Variants in PLCB1 observed in about 807,000 individuals in gnomAD.
The protein encoded by PLCB1 is phospholipase C beta 1.
PLCB1 carries 46 observed loss-of-function variants against 161.8 expected under a neutral mutation model. That is an observed-to-expected ratio of 0.28 (90% CI 0.22 to 0.36). The LOEUF (loss-of-function observed/expected upper bound fraction) is 0.36, where lower values mean the gene tolerates loss of function less well. Ranked by LOEUF, PLCB1 falls within the 10% of genes least tolerant of loss-of-function variation. The pLI, the probability that PLCB1 is intolerant of heterozygous loss-of-function variation, is 1.00. For missense variants in PLCB1, 1,016 were observed against 1,472.5 expected, an observed-to-expected ratio of 0.69 and a Z score of 5.07; for synonymous variants, 517 against 503.7, an observed-to-expected ratio of 1.03 and a Z score of -0.35.
intron 2 of PLCB1, among the ~76,000 whole-genome samples, chr20:8,160,007 A>G (rs2051606497): frequency 6.6e-6 from 1 of 151,198 alleles, no homozygotes; most frequent in African/African-American, 2.4e-5. Context: ...AAAAAAAAAA[A>G]AGAAAAAAAG....
At chr20:8,304,513 CA>C (rs1324486716) in intron 2 of PLCB1, among the ~76,000 whole-genome samples, 36 of 151,620 alleles carry the variant, frequency 2.4e-4, no homozygotes, top group African/African-American at 8.5e-4. Context: ...CACAATGAAT[CA>C]AAAACCTTCT....
intron 3 of PLCB1, among the ~76,000 whole-genome samples, chr20:8,577,215 G>A (rs1449259112): frequency 6.6e-6 from 1 of 151,442 alleles, no homozygotes; most frequent in African/African-American, 2.4e-5. Context: ...GGATCACGAG[G>A]TTGGGAGATC....
intron 2 of PLCB1, among the ~76,000 whole-genome samples, chr20:8,276,148 A>G (rs1401947861): frequency 1.3e-5 from 2 of 152,228 alleles, no homozygotes; most frequent in Non-Finnish European, 2.9e-5. Context: ...AGATTAATTA[A>G]AAATGTTCTT....
At chr20:8,137,626 T>C (rs767660831) in intron 1 of PLCB1, among the ~76,000 whole-genome samples, 2 of 152,326 alleles carry the variant, frequency 1.3e-5, no homozygotes, top group Non-Finnish European at 2.9e-5. Flanking sequence ...GTAACATGCG[T>C]ACAACAAAAC....
chr20:8,561,195 C>T (rs1351954376), intron 3 of PLCB1, among the ~76,000 whole-genome samples: 1 of 151,876 alleles, frequency 6.6e-6, no homozygotes, highest in Non-Finnish European at 1.5e-5. Context: ...CACTTAGAAT[C>T]TCCTGTGTGT....
chr20:8,701,163 C>A (rs558650581), intron 11 of PLCB1, among the ~76,000 whole-genome samples: 1 of 152,136 alleles, frequency 6.6e-6, no homozygotes, highest in Non-Finnish European at 1.5e-5. Flanking sequence ...CTGAACCCAG[C>A]GTGTAAAGTG....
chr20:8,264,485 GTAT>G (rs1239247604), intron 2 of PLCB1, among the ~76,000 whole-genome samples: 1 of 152,122 alleles, frequency 6.6e-6, no homozygotes, highest in Non-Finnish European at 1.5e-5. Context: ...TCATTATCAA[GTAT>G]TATGTACTAT....
chr20:8,803,109 A>C (rs1186123716), intron 31 of PLCB1, among the ~76,000 whole-genome samples: 1 of 152,228 alleles, frequency 6.6e-6, no homozygotes, highest in Admixed American at 6.5e-5. Context: ...AGAAAGAGGT[A>C]TGAGTTATTC....
intron 3 of PLCB1, among the ~76,000 whole-genome samples, chr20:8,388,499 G>A (rs1329246858): frequency 6.6e-6 from 1 of 152,176 alleles, no homozygotes; most frequent in Non-Finnish European, 1.5e-5. Flanking sequence ...ATAGATATTT[G>A]AGGTTTAGGA....
At chr20:8,312,992 A>C (rs1287093078) in intron 2 of PLCB1, among the ~76,000 whole-genome samples, 1 of 152,218 alleles carries the variant, frequency 6.6e-6, no homozygotes, top group African/African-American at 2.4e-5. Context: ...AAATGATGTC[A>C]TGTATATTTG....
intron 2 of PLCB1, among the ~76,000 whole-genome samples, chr20:8,313,826 C>A (rs1045981415): frequency 2.6e-5 from 4 of 152,128 alleles, no homozygotes; most frequent in Non-Finnish European, 5.9e-5. Flanking sequence ...CCTCAAAGCC[C>A]AGCTCAAGTT....
chr20:8,296,966 TTCTA>T (rs1022427969), intron 2 of PLCB1, among the ~76,000 whole-genome samples: 2 of 152,146 alleles, frequency 1.3e-5, no homozygotes, highest in African/African-American at 2.4e-5. Flanking sequence ...TCGCAGCCTT[TTCTA>T]TCTCAGTATA....
chr20:8,200,561 A>G (rs1047658863), intron 2 of PLCB1, among the ~76,000 whole-genome samples: 12 of 152,030 alleles, frequency 7.9e-5, no homozygotes, highest in Non-Finnish European at 1.8e-4. Flanking sequence ...TCTTGTGTAT[A>G]GGAATGCTAT....
At chr20:8,416,338 CTAAT>C (rs11469733) in intron 3 of PLCB1, among the ~76,000 whole-genome samples, 3,269 of 144,594 alleles carry the variant, frequency 0.023, 109 homozygotes, top group African/African-American at 0.072. Flanking sequence ...GGAGAGAAGA[CTAAT>C]TATTTATAGA....
intron 2 of PLCB1, among the ~76,000 whole-genome samples, chr20:8,288,114 T>C (rs2745768): frequency 0.028 from 4,335 of 152,240 alleles, 210 homozygotes; most frequent in African/African-American, 0.098. Flanking sequence ...AATCGGTACA[T>C]TGGAAATTCT....
chr20:8,348,540 A>G (rs1986071106), intron 2 of PLCB1, among the ~76,000 whole-genome samples: 1 of 152,146 alleles, frequency 6.6e-6, no homozygotes, highest in Non-Finnish European at 1.5e-5. Flanking sequence ...AGCCCTCTCT[A>G]TCATGAGGGA....
intron 31 of PLCB1, among the ~76,000 whole-genome samples, chr20:8,848,038 A>G (rs1986750732): frequency 6.6e-6 from 1 of 152,206 alleles, no homozygotes; most frequent in Non-Finnish European, 1.5e-5. Flanking sequence ...CAGAAGAGCA[A>G]GAGAGACCAA....
chr20:8,378,029 G>A (rs1163283170), intron 3 of PLCB1, among the ~76,000 whole-genome samples: 1 of 152,134 alleles, frequency 6.6e-6, no homozygotes, highest in East Asian at 1.9e-4. Flanking sequence ...AGACTTGGAG[G>A]AAACAGCAAA....
At chr20:8,450,555 A>AT (rs1170478783) in intron 3 of PLCB1, among the ~76,000 whole-genome samples, 4 of 151,956 alleles carry the variant, frequency 2.6e-5, no homozygotes, top group Non-Finnish European at 4.4e-5. Flanking sequence ...CTTGTCTCTG[A>AT]TTTTTTTCAA....
Sources: allele counts gnomAD v4.1 joint callset (sites outside exome capture counted in the v4.1 genomes callset), GRCh38; gene constraint gnomAD v4.1.1; transcripts MANE v1.5; gene names NCBI Gene and HGNC (gene_info 2026-07-23, HGNC 2026-07-21).